ITPR2: variants seen among roughly 807,000 people sequenced by gnomAD.
ITPR2 encodes the protein inositol 1,4,5-trisphosphate-gated calcium channel ITPR2.
In ITPR2, 207 loss-of-function variants were observed where a neutral mutation model predicts 317.1. The observed-to-expected ratio is 0.65, with a 90% CI of 0.58 to 0.73. ITPR2 has a LOEUF of 0.73. ITPR2 is among the 30% of genes least tolerant of loss of function. The pLI is 0.00. For missense variants in ITPR2, 2,613 were observed against 3,284.0 expected (o/e 0.80, Z 4.99); for synonymous variants, 1,156 against 1,149.1 (o/e 1.01, Z -0.12).
At chr12:26,453,267 A>G (rs150054669) in intron 45 of ITPR2, among the ~76,000 whole-genome samples, 2 of 152,348 alleles carry the variant, frequency 1.3e-5, no homozygotes, top group African/African-American at 4.8e-5. Flanking sequence ...CTATCCATGT[A>G]AGAATATACA....
Position 26,711,285 on chromosome 12 carries a change from G to A in ITPR2, c.856-17C>T, listed in dbSNP as rs374164368. On this transcript the variant is annotated splice_polypyrimidine_tract_variant and intron_variant, in intron 8 of 56. Coordinates refer to ENST00000381340, the MANE Select transcript of ITPR2 (RefSeq NM_002223.4). ...ATGAACCACCTACAAAGAGAGCAAC[G>A]ATAGTAATGGCAAAACAATATTTAT... 64 of 1,543,140 alleles carry A rather than the reference G, an allele frequency of 4.1e-5. No individual in the cohort carries two copies. Among genetic ancestry groups the A allele is most frequent in the African/African-American group, 9.5e-5 (7 of 73,488 alleles).
intron 46 of ITPR2, 58 bp from the exon 47 acceptor site, chr12:26,439,377 C>A (rs1019266661): frequency 7.9e-7 from 1 of 1,262,014 alleles, no homozygotes; most frequent in Admixed American, 2.7e-5. Context: ...CTTAGACTTG[C>A]TTTTGTTTTT....
intron 1 of ITPR2, among the ~76,000 whole-genome samples, chr12:26,830,305 C>T (rs11048700): frequency 0.16 from 24,434 of 152,220 alleles, 2,323 homozygotes; most frequent in East Asian, 0.22. Context: ...AATAGAAAAA[C>T]AATATATTGC....
intron 2 of ITPR2, 92 bp downstream of exon 2, chr12:26,790,065 A>C (rs1231052485): frequency 7.1e-6 from 6 of 840,924 alleles, no homozygotes; most frequent in Non-Finnish European, 1.2e-5. Flanking sequence ...AAAGTTTCAC[A>C]TTGAATAAAG....
At chr12:26,621,348 T>G (rs758162458) in intron 25 of ITPR2, 52 bp from the exon 26 acceptor site, 59 of 1,400,772 alleles carry the variant, frequency 4.2e-5, no homozygotes, top group Non-Finnish European at 5.5e-5. Flanking sequence ...TCTAGAATAT[T>G]TATGAATATT....
chr12:26,633,123 G>A (rs1010088179), intron 21 of ITPR2, among the ~76,000 whole-genome samples: 1 of 125,516 alleles, frequency 8.0e-6, no homozygotes, highest in Non-Finnish European at 1.6e-5. Context: ...ATGGAAATAA[G>A]ATGGGATGAG....
At chr12:26,546,039 T>A (rs924808889) in intron 37 of ITPR2, among the ~76,000 whole-genome samples, 9 of 152,222 alleles carry the variant, frequency 5.9e-5, no homozygotes, top group African/African-American at 2.2e-4. Context: ...TTAGCTATAA[T>A]TTTTTATTCT....
intron 13 of ITPR2, among the ~76,000 whole-genome samples, chr12:26,673,022 T>A (rs532993542): frequency 1.7e-4 from 26 of 152,232 alleles, no homozygotes; most frequent in African/African-American, 5.8e-4. Context: ...AATAGACCAA[T>A]AACAGGAGCT....
chr12:26,389,989 C>T (rs1033230209), intron 54 of ITPR2, among the ~76,000 whole-genome samples: 4 of 152,136 alleles, frequency 2.6e-5, no homozygotes, highest in Non-Finnish European at 4.4e-5. Flanking sequence ...CCCAAAAGCT[C>T]GGAATGATAT....
chr12:26,463,986 T>A (rs1942107100), intron 45 of ITPR2, among the ~76,000 whole-genome samples: 1 of 152,308 alleles, frequency 6.6e-6, no homozygotes, highest in South Asian at 2.1e-4. Context: ...TCGGTTTATC[T>A]AAATCTTATC....
chr12:26,389,332 T>C (rs78595697), intron 54 of ITPR2, among the ~76,000 whole-genome samples: 3,545 of 152,306 alleles, frequency 0.023, 86 homozygotes, highest in African/African-American at 0.066. Flanking sequence ...TCAGTTATGT[T>C]TGAATTTCAG....
intron 26 of ITPR2, among the ~76,000 whole-genome samples, chr12:26,606,330 A>G (rs1946127095): frequency 6.6e-6 from 1 of 152,208 alleles, no homozygotes; most frequent in Non-Finnish European, 1.5e-5. Flanking sequence ...CTTATCATCT[A>G]GAGAACCTAA....
chr12:26,531,302 G>C (rs1334418464), intron 37 of ITPR2, among the ~76,000 whole-genome samples: 5 of 152,190 alleles, frequency 3.3e-5, no homozygotes, highest in Admixed American at 3.3e-4. Flanking sequence ...GGTAACAGCA[G>C]TGAACAGTAA....
chr12:26,784,849 A>G (rs1424125205), intron 2 of ITPR2, among the ~76,000 whole-genome samples: 1 of 136,664 alleles, frequency 7.3e-6, no homozygotes, highest in African/African-American at 2.6e-5. Flanking sequence ...CCCAGTCTGG[A>G]AGGTGAGGAG....
intron 47 of ITPR2, 54 bp from the exon 48 acceptor site, chr12:26,436,400 A>G: frequency 6.5e-7 from 1 of 1,529,038 alleles, no homozygotes; most frequent in Non-Finnish European, 8.8e-7. Flanking sequence ...TTTGGTTTCA[A>G]CACATGAAGC....
intron 2 of ITPR2, among the ~76,000 whole-genome samples, chr12:26,785,621 T>C (rs867548537): frequency 2.0e-3 from 27 of 13,662 alleles, no homozygotes; most frequent in East Asian, 0.045. Context: ...GTCAGCCCCC[T>C]GCCCAGCCAG....
At chr12:26,734,316 T>C (rs1460045319) in intron 2 of ITPR2, among the ~76,000 whole-genome samples, 2 of 152,230 alleles carry the variant, frequency 1.3e-5, no homozygotes, top group African/African-American at 4.8e-5. Flanking sequence ...GTACATTCAC[T>C]GAAATTAAAA....
chr12:26,832,036 G>C (rs1390605822), intron 1 of ITPR2, among the ~76,000 whole-genome samples: 1 of 151,962 alleles, frequency 6.6e-6, no homozygotes, highest in Non-Finnish European at 1.5e-5. Context: ...AGAGATAGCA[G>C]GTCTGAGTTC....
chr12:26,688,992 T>TG (rs1252079697), intron 10 of ITPR2, among the ~76,000 whole-genome samples: 1 of 152,224 alleles, frequency 6.6e-6, no homozygotes, highest in East Asian at 1.9e-4. Context: ...ATTTTAGGTA[T>TG]TTTTATCACA....
Sources: allele counts gnomAD v4.1 joint callset (sites outside exome capture counted in the v4.1 genomes callset), GRCh38; gene constraint gnomAD v4.1.1; transcripts MANE v1.5; gene names NCBI Gene and HGNC (gene_info 2026-07-23, HGNC 2026-07-21).